ATP8A1: variants seen among roughly 807,000 people sequenced by gnomAD.
ATP8A1 encodes the protein ATPase phospholipid transporting 8A1, also known as phospholipid-transporting ATPase IA.
A neutral mutation model predicts 177.7 loss-of-function variants in ATP8A1; 90 were observed. The observed-to-expected ratio is 0.51, with a 90% CI of 0.43 to 0.60. The LOEUF (loss-of-function observed/expected upper bound fraction) is 0.60. Ranked by LOEUF, ATP8A1 falls within the 20% of genes least tolerant of loss-of-function variation. The pLI, the probability that ATP8A1 is intolerant of heterozygous loss-of-function variation, is 0.00. For missense variants in ATP8A1, 1,072 were observed against 1,392.8 expected (o/e 0.77, Z 3.67); for synonymous variants, 493 against 485.9 (o/e 1.01, Z -0.19).
chr4:42,547,539 T>TA (rs1244240832), intron 19 of ATP8A1, among the ~76,000 whole-genome samples: 2 of 152,192 alleles, frequency 1.3e-5, no homozygotes, highest in African/African-American at 4.8e-5. Context: ...AAGTGTGGTT[T>TA]AAAAAACGTA....
At position 42,555,840 on chromosome 4, in the gene ATP8A1, AAC is replaced by A. The variant is rs767156058; in HGVS notation, c.1413+126_1413+127del. 2,168 of 676,966 alleles carry A rather than the reference AAC, an allele frequency of 3.2e-3. 6 individuals carry two copies. Among genetic ancestry groups the A allele is most frequent in the Non-Finnish European group, 4.4e-3 (1,869 of 422,118 alleles). The allele number at this position is 676,966 out of a possible 1,614,324, so 41.9% of individuals were successfully genotyped here. A position where few individuals can be genotyped will look rare whatever the true frequency, so the allele number is the denominator to read the frequency against. On this transcript the variant is annotated intron_variant, in intron 16 of 36. Coordinates refer to ENST00000381668, the MANE Select transcript of ATP8A1 (RefSeq NM_006095.2). ...CTCTGTCTCAAATAACTAACTAACTAACTAAATAAATAAATAAAAGATCATGA... is the reference window on the plus strand; with the variant it reads ...CTCTGTCTCAAATAACTAACTAACTATAAATAAATAAATAAAAGATCATGA...
chr4:42,436,588 G>T (rs188670472), intron 33 of ATP8A1, among the ~76,000 whole-genome samples: 1 of 152,210 alleles, frequency 6.6e-6, no homozygotes, highest in Non-Finnish European at 1.5e-5. Flanking sequence ...TTCATTTACT[G>T]TTGGGGGCAT....
At chr4:42,425,304 G>C (rs893928898) in intron 33 of ATP8A1, among the ~76,000 whole-genome samples, 1 of 152,174 alleles carries the variant, frequency 6.6e-6, no homozygotes, top group Non-Finnish European at 1.5e-5. Flanking sequence ...AGGCAAAAGT[G>C]GTGGAGATTC....
chr4:42,569,772 C>T (rs1731727775), intron 14 of ATP8A1, among the ~76,000 whole-genome samples: 1 of 152,148 alleles, frequency 6.6e-6, no homozygotes, highest in African/African-American at 2.4e-5. Flanking sequence ...TTCACTTAAA[C>T]TATTTCACTC....
intron 35 of ATP8A1, among the ~76,000 whole-genome samples, chr4:42,418,427 A>G (rs1424032335): frequency 6.6e-6 from 1 of 152,342 alleles, no homozygotes; most frequent in East Asian, 1.9e-4. Context: ...CCTGCCTCCA[A>G]TGAGCCCACA....
At chr4:42,556,116 G>T in intron 15 of ATP8A1, 76 bp from the exon 16 acceptor site, 2 of 1,029,092 alleles carry the variant, frequency 1.9e-6, no homozygotes, top group Non-Finnish European at 2.9e-6. Flanking sequence ...TGTACTTTAT[G>T]AGTAAAGTGT....
At chr4:42,474,830 C>T (rs756486887) in intron 25 of ATP8A1, among the ~76,000 whole-genome samples, 2 of 151,858 alleles carry the variant, frequency 1.3e-5, no homozygotes, top group Non-Finnish European at 2.9e-5. Flanking sequence ...GGGAAAGGGT[C>T]CCTCACAGAA....
At chr4:42,592,542 A>G (rs191664239) in intron 6 of ATP8A1, among the ~76,000 whole-genome samples, 1 of 152,258 alleles carries the variant, frequency 6.6e-6, no homozygotes, top group East Asian at 1.9e-4. Flanking sequence ...TATGTCTCTA[A>G]GAGTTTAATT....
intron 9 of ATP8A1, among the ~76,000 whole-genome samples, chr4:42,585,587 T>G (rs1049510757): frequency 1.3e-5 from 2 of 150,190 alleles, no homozygotes; most frequent in African/African-American, 4.9e-5. Context: ...GATTTCGGAC[T>G]CCCCAGTTTC....
intron 20 of ATP8A1, among the ~76,000 whole-genome samples, chr4:42,530,007 A>T (rs1162276091): frequency 6.6e-6 from 1 of 152,212 alleles, no homozygotes; most frequent in African/African-American, 2.4e-5. Context: ...AAAACCGTGA[A>T]GATATTTGTA....
At chr4:42,556,117 AG>A in intron 15 of ATP8A1, 77 bp from the exon 16 acceptor site, 8 of 1,021,220 alleles carry the variant, frequency 7.8e-6, no homozygotes, top group Non-Finnish European at 1.2e-5. Context: ...GTACTTTATG[AG>A]TAAAGTGTTA....
chr4:42,570,481 T>C (rs558760062), intron 14 of ATP8A1, among the ~76,000 whole-genome samples: 2 of 152,306 alleles, frequency 1.3e-5, no homozygotes, highest in Non-Finnish European at 2.9e-5. Context: ...AGCAACACTG[T>C]GCATGGTCCT....
chr4:42,575,654 G>T lies in ATP8A1; in HGVS notation c.1174C>A (p.Arg392=). 6.2e-7 allele frequency: 1 copy of T among 1,613,512 alleles called. No homozygotes were observed. Among genetic ancestry groups the T allele is most frequent in the South Asian group, 1.1e-5 (1 of 91,048 alleles). ...YEPTDTAAMA[R]TSNLNEELGQ... ...AGTTCCTCATTCAGATTAGATGTTC[G>T]AGCCATAGCAGCAGTGTCTGTGGGT... The change falls in exon 13 of 37, where the codon CGA becomes AGA. Residue 392 remains arginine, a synonymous_variant. Coordinates refer to ENST00000381668, the MANE Select transcript of ATP8A1 (RefSeq NM_006095.2).
chr4:42,488,773 C>G (rs1449874662), intron 24 of ATP8A1, among the ~76,000 whole-genome samples: 2 of 152,104 alleles, frequency 1.3e-5, no homozygotes, highest in African/African-American at 4.8e-5. Flanking sequence ...CTTCAAAAAC[C>G]AAGCTTACCC....
chr4:42,634,241 A>G (rs755125659), intron 1 of ATP8A1, among the ~76,000 whole-genome samples: 1 of 152,230 alleles, frequency 6.6e-6, no homozygotes, highest in African/African-American at 2.4e-5. Flanking sequence ...ATGATGCTCC[A>G]TAGTACTACT....
At chr4:42,422,147 A>C (rs1714028127) in intron 35 of ATP8A1, among the ~76,000 whole-genome samples, 1 of 151,996 alleles carries the variant, frequency 6.6e-6, no homozygotes, top group Non-Finnish European at 1.5e-5. Context: ...GCTGGAGTGC[A>C]GTGGCTTGAT....
At position 42,657,069 on chromosome 4, in the gene ATP8A1, C is replaced by G. The variant is rs901611480; in HGVS notation, c.-196G>C. The G allele has an allele frequency of 2.2e-6, 1 of 464,006 alleles. No individual in the cohort carries two copies. Among genetic ancestry groups the G allele is most frequent in the African/African-American group, 2.0e-5 (1 of 49,520 alleles). The allele number at this position is 464,006 out of a possible 1,614,324, so 28.7% of individuals were successfully genotyped here. On this transcript the variant is annotated 5_prime_UTR_variant, in exon 1 of 37. Coordinates refer to ENST00000381668, the MANE Select transcript of ATP8A1 (RefSeq NM_006095.2). ...AGGAGGAGAAAGGCAGCGGTGGCGGCGAAGGTGGCGGCGCCCGCAGAGCTG... is the reference window on the plus strand; with the variant it reads ...AGGAGGAGAAAGGCAGCGGTGGCGGGGAAGGTGGCGGCGCCCGCAGAGCTG...
At chr4:42,633,296 C>T (rs1738938493) in intron 1 of ATP8A1, among the ~76,000 whole-genome samples, 3 of 152,188 alleles carry the variant, frequency 2.0e-5, no homozygotes, top group African/African-American at 4.8e-5. Context: ...TACAATGTAA[C>T]AGAGGAAAAT....
At chr4:42,555,137 C>CT (rs1163284454) in intron 16 of ATP8A1, among the ~76,000 whole-genome samples, 674 of 55,214 alleles carry the variant, frequency 0.012, 10 homozygotes, top group Admixed American at 0.02. Flanking sequence ...ATCTATCTAT[C>CT]TAATCTATCT....
Sources: allele counts gnomAD v4.1 joint callset (sites outside exome capture counted in the v4.1 genomes callset), GRCh38; gene constraint gnomAD v4.1.1; transcripts MANE v1.5; gene names NCBI Gene and HGNC (gene_info 2026-07-23, HGNC 2026-07-21).